The following MRPS23 variants were observed in gnomAD, a reference collection of about 807,000 sequenced individuals.
MRPS23 encodes the protein mitochondrial ribosomal protein S23, also known as small ribosomal subunit protein mS23.
A neutral mutation model predicts 19.8 loss-of-function variants in MRPS23; 14 were observed. That is an observed-to-expected ratio of 0.71 (90% CI 0.47 to 1.11). The LOEUF (loss-of-function observed/expected upper bound fraction) is 1.11, where lower values mean the gene tolerates loss of function less well. MRPS23 is among the 50% of genes least tolerant of loss of function. The pLI is 0.00. For synonymous variants in MRPS23, 113 were observed against 89.7 expected, an observed-to-expected ratio of 1.26 and a Z score of -1.47; for missense variants, 242 against 236.7, an observed-to-expected ratio of 1.02 and a Z score of -0.15.
chr17:57,842,168 C>T (rs2073743899), intron 2 of MRPS23, among the ~76,000 whole-genome samples: 1 of 152,154 alleles, frequency 6.6e-6, no homozygotes, highest in African/African-American at 2.4e-5. Flanking sequence ...CGCAGCACCA[C>T]CATGCCTGGC....
At chr17:57,842,393 T>C (rs1277630660) in intron 2 of MRPS23, among the ~76,000 whole-genome samples, 2 of 152,146 alleles carry the variant, frequency 1.3e-5, no homozygotes, top group Non-Finnish European at 2.9e-5. Context: ...CTCTATCAAG[T>C]TCCAAAACAT....
At chr17:57,846,757 A>G (rs1568016932) in intron 2 of MRPS23, among the ~76,000 whole-genome samples, 1 of 152,076 alleles carries the variant, frequency 6.6e-6, no homozygotes, top group Non-Finnish European at 1.5e-5. Context: ...AATCTCAAGT[A>G]CCCAGGAACA....
chr17:57,839,809 G>C lies in MRPS23; in HGVS notation c.547C>G (p.Gln183Glu). The change falls in exon 5 of 5, where the codon CAG (glutamine) becomes GAG (glutamate). Residue 183 changes from glutamine to glutamate, a missense_variant. Transcript: ENST00000313608. ...CAGGGAGGCAAGAGACCTTTCGACT[G>C]GTCTGCAGGTGCCTCCAAATGCTGG... ...QDQHLEAPAD[Q>E]SKGLLPP The C allele has an allele frequency of 6.2e-7, 1 of 1,614,148 alleles. No individual in the cohort carries two copies. The highest frequency in any genetic ancestry group is 8.5e-7 in the Non-Finnish European group (1 of 1,180,014).
At chr17:57,846,658 G>A (rs948983030) in intron 2 of MRPS23, among the ~76,000 whole-genome samples, 1 of 152,042 alleles carries the variant, frequency 6.6e-6, no homozygotes, top group African/African-American at 2.4e-5. Context: ...GTCCACTCAG[G>A]GTTAAATGGA....
chr17:57,842,883 T>TACAC (rs1568015677), intron 2 of MRPS23, among the ~76,000 whole-genome samples: 3 of 61,660 alleles, frequency 4.9e-5, no homozygotes, highest in Admixed American at 1.8e-4. Context: ...AAAAAAAATA[T>TACAC]ATATATATAC....
At chr17:57,849,012 T>C in intron 2 of MRPS23, 1 of 557,254 alleles carries the variant, frequency 1.8e-6, no homozygotes, top group African/African-American at 1.9e-5. Flanking sequence ...CCCAGAAACA[T>C]GCGGCTATAA....
In MRPS23 at chr17:57,842,616, T is replaced by C. The variant is rs2073745859; in HGVS notation, c.216-1356A>G. 3.3e-5 allele frequency among the ~76,000 whole-genome samples: 5 copies of C among 152,190 alleles called. No individual in the cohort carries two copies. In the South Asian group the frequency reaches 1.0e-3, roughly 31 times the overall value. ...AATGTGGTACTACTGGATCAAGGTA[T>C]GTGCATTTGTAATTAAGCCTTCCAA... is the stretch of plus-strand genomic sequence containing the variant. On this transcript the variant is annotated intron_variant, in intron 2 of 4. Coordinates refer to ENST00000313608, the MANE Select transcript of MRPS23 (RefSeq NM_016070.4).
At chr17:57,844,462 G>A (rs796675550) in intron 2 of MRPS23, among the ~76,000 whole-genome samples, 17 of 151,770 alleles carry the variant, frequency 1.1e-4, no homozygotes, top group African/African-American at 3.6e-4. Flanking sequence ...AGAATTTAAA[G>A]AAATAATATT....
intron 2 of MRPS23, among the ~76,000 whole-genome samples, chr17:57,842,788 T>TGA (rs1009828992): frequency 8.0e-5 from 12 of 150,764 alleles, no homozygotes; most frequent in African/African-American, 2.7e-4. Flanking sequence ...CTTGGGAAGC[T>TGA]GAGGCATGAG....
intron 2 of MRPS23, among the ~76,000 whole-genome samples, chr17:57,846,785 C>T (rs190047271): frequency 3.3e-5 from 5 of 152,150 alleles, no homozygotes; most frequent in Admixed American, 1.3e-4. Context: ...TGCGGAAGAA[C>T]GCAGGGACCT....
chr17:57,841,107 T>C, intron 3 of MRPS23, 55 bp from the exon 4 acceptor site: 1 of 1,611,446 alleles, frequency 6.2e-7, no homozygotes, highest in Non-Finnish European at 8.5e-7. Context: ...GTTAAGACGC[T>C]GTTACACAAT....
At chr17:57,849,127 C>T (rs1002409533) in intron 2 of MRPS23, 113 bp downstream of exon 2, 2 of 1,390,686 alleles carry the variant, frequency 1.4e-6, no homozygotes, top group Admixed American at 2.3e-5. Flanking sequence ...GATAAGCCTT[C>T]TCCACAGGGC....
At chr17:57,848,545 T>C (rs1255385404) in intron 2 of MRPS23, among the ~76,000 whole-genome samples, 2 of 151,866 alleles carry the variant, frequency 1.3e-5, no homozygotes, top group African/African-American at 4.8e-5. Flanking sequence ...CGGCTAATTT[T>C]TGTATTTTTA....
chr17:57,846,712 G>C (rs1027337022), intron 2 of MRPS23, among the ~76,000 whole-genome samples: 6 of 152,026 alleles, frequency 3.9e-5, no homozygotes, highest in African/African-American at 1.5e-4. Flanking sequence ...GATGCTTGAA[G>C]GCAGCATGCT....
chr17:57,848,940 C>A, intron 2 of MRPS23: 1 of 279,896 alleles, frequency 3.6e-6, no homozygotes, highest in South Asian at 8.6e-5. Context: ...TAGAGTAAGG[C>A]CTTTAGAGAA....
At position 57,842,885 on chromosome 17, in the gene MRPS23, T is replaced by TAC. The variant is rs1401795190; in HGVS notation, c.216-1626_216-1625insGT. Among the ~76,000 whole-genome samples, 314 of 109,288 alleles carry TAC rather than the reference T, an allele frequency of 2.9e-3. 3 individuals carry two copies. Among genetic ancestry groups the TAC allele is most frequent in the African/African-American group, 7.5e-3 (205 of 27,384 alleles). 71.7% of individuals were successfully genotyped at this position (109,288 alleles called of 152,430 possible). Reference sequence around the variant, plus strand: ...TCTCTAAAAAAAAAAAAAAAATATATATATATACACACACACACACACACA... The same window carrying TAC: ...TCTCTAAAAAAAAAAAAAAAATATATACATATATACACACACACACACACACA... On this transcript the variant is annotated intron_variant, in intron 2 of 4. Transcript: ENST00000313608.
intron 4 of MRPS23, among the ~76,000 whole-genome samples, chr17:57,840,531 T>G (rs1275913247): frequency 6.6e-6 from 1 of 152,136 alleles, no homozygotes; most frequent in Non-Finnish European, 1.5e-5. Context: ...TAAGCCAAGG[T>G]TAGGGAAAGA....
rs1289729350 is a variant in MRPS23, at chr17:57,842,899, C to T, written c.216-1639G>A. On this transcript the variant is annotated intron_variant, in intron 2 of 4. Coordinates refer to ENST00000313608, the MANE Select transcript of MRPS23 (RefSeq NM_016070.4). ...AAAAAAATATATATATATACACACA[C>T]ACACACACACACACACACACACACA... Among the ~76,000 whole-genome samples the T allele has an allele frequency of 7.8e-4, 108 of 137,642 alleles. 1 individual carries two copies. Among genetic ancestry groups the T allele is most frequent in the African/African-American group, 1.3e-3 (48 of 37,344 alleles). 90.3% of individuals were successfully genotyped at this position (137,642 alleles called of 152,430 possible).
At chr17:57,847,945 C>T (rs937170969) in intron 2 of MRPS23, among the ~76,000 whole-genome samples, 3 of 151,984 alleles carry the variant, frequency 2.0e-5, no homozygotes, top group Non-Finnish European at 4.4e-5. Flanking sequence ...AATCTGCCCA[C>T]CTCAGCCTCC....
Sources: allele counts gnomAD v4.1 joint callset (sites outside exome capture counted in the v4.1 genomes callset), GRCh38; gene constraint gnomAD v4.1.1; transcripts MANE v1.5; gene names NCBI Gene and HGNC (gene_info 2026-07-23, HGNC 2026-07-21).